Variants in NDRG2 observed in about 807,000 individuals in gnomAD.
The protein encoded by NDRG2 is NDRG family member 2.
In NDRG2, 34 loss-of-function variants were observed where a neutral mutation model predicts 58.2. The ratio of observed to expected loss-of-function variants is 0.58; its 90% CI spans 0.44 to 0.78. The LOEUF is 0.78. NDRG2 is among the 30% of genes least tolerant of loss of function. The pLI is 0.00. For synonymous variants in NDRG2, 187 were observed against 175.9 expected (o/e 1.06, Z -0.50); for missense variants, 434 against 471.2 (o/e 0.92, Z 0.73).
chr14:21,027,291 G>C (rs1180326118), upstream of NDRG2, among the ~76,000 whole-genome samples: 2 of 152,186 alleles, frequency 1.3e-5, no homozygotes, highest in African/African-American at 2.4e-5. Flanking sequence ...CTTTCCCTTT[G>C]GCCAGAGCAG....
intron 1 of NDRG2, among the ~76,000 whole-genome samples, chr14:21,047,098 T>C (rs1163324659): frequency 2.0e-5 from 3 of 152,218 alleles, no homozygotes; most frequent in Non-Finnish European, 2.9e-5. Context: ...CTATTATTTA[T>C]ATTATCGGTC....
chr14:21,022,906 C>G lies in NDRG2; in HGVS notation c.76-1G>C. On this transcript the variant is annotated splice_acceptor_variant, in intron 2 of 15. Transcript: ENST00000556147. LOFTEE classifies it high-confidence loss of function. ...GGATTCGGGCAGCTAACTCAGCCTC[C>G]TGGAGAGACACACACGGATTCACAC... The G allele has an allele frequency of 6.2e-7, 1 of 1,614,034 alleles. No homozygotes were observed.
At chr14:21,019,325 C>A (rs1878756017) in intron 10 of NDRG2, among the ~76,000 whole-genome samples, 165 bp from the exon 11 acceptor site, 1 of 152,198 alleles carries the variant, frequency 6.6e-6, no homozygotes, top group South Asian at 2.1e-4. Flanking sequence ...GCCCCAAGCA[C>A]AGCCCCTATA....
intron 1 of NDRG2, among the ~76,000 whole-genome samples, chr14:21,060,647 ATACTGT>A (rs539793697): frequency 1.4e-3 from 213 of 152,296 alleles, no homozygotes; most frequent in African/African-American, 4.8e-3. Flanking sequence ...GTCCATCTTC[ATACTGT>A]TACTAGCCCA....
chr14:21,053,707 C>T (rs748407528), intron 1 of NDRG2, among the ~76,000 whole-genome samples: 10 of 151,934 alleles, frequency 6.6e-5, no homozygotes, highest in Non-Finnish European at 1.3e-4. Context: ...AGGAGGCTGA[C>T]GTAGGAGGAC....
intron 1 of NDRG2, among the ~76,000 whole-genome samples, chr14:21,066,383 G>A (rs35981069): frequency 0.83 from 124,142 of 149,942 alleles, 51,637 homozygotes; most frequent in Admixed American, 0.88. Flanking sequence ...GCAGTGGCAC[G>A]ATCTCGGCTC....
intron 1 of NDRG2, chr14:21,042,219 T>C (rs1432191896): frequency 6.6e-6 from 1 of 152,276 alleles, no homozygotes; most frequent in East Asian, 1.9e-4. Context: ...CATCCTTAGG[T>C]GTCCACGTAT....
At chr14:21,020,665 C>T in intron 7 of NDRG2, 83 bp from the exon 8 acceptor site, 4 of 1,574,442 alleles carry the variant, frequency 2.5e-6, no homozygotes, top group Non-Finnish European at 3.5e-6. Flanking sequence ...CTCCTGGACT[C>T]CCACAGGGCC....
At chr14:21,025,712 C>A, upstream of NDRG2, 2 of 985,094 alleles carry the variant, frequency 2.0e-6, no homozygotes, top group Non-Finnish European at 2.4e-6. This position sits in a 1 kb window ranked among gnomAD's most constrained non-coding sequence, Gnocchi z 5.1. Flanking sequence ...CGCCTGCTCT[C>A]CGGCTGCTCC....
chr14:21,045,839 G>T (rs1298914826), intron 1 of NDRG2, among the ~76,000 whole-genome samples: 1 of 152,266 alleles, frequency 6.6e-6, no homozygotes, highest in East Asian at 1.9e-4. Context: ...TGTAGCCTTG[G>T]GGAAGTATAA....
At chr14:21,032,398 T>A (rs1251746691) in intron 1 of NDRG2, 1 of 462,662 alleles carries the variant, frequency 2.2e-6, no homozygotes, top group Non-Finnish European at 4.3e-6. Context: ...TATCTACTAC[T>A]TGTGTTCACA....
At chr14:21,062,708 AGTGTGT>A (rs71416997) in intron 1 of NDRG2, among the ~76,000 whole-genome samples, 27 of 131,048 alleles carry the variant, frequency 2.1e-4, no homozygotes, top group African/African-American at 6.5e-4. Context: ...GGCTGGGCAC[AGTGTGT>A]GTGTGTGTGT....
At chr14:21,030,325 A>G (rs954710684), upstream of NDRG2, 2 of 470,110 alleles carry the variant, frequency 4.3e-6, no homozygotes, top group African/African-American at 3.9e-5. Context: ...GAGGTAGGGG[A>G]AAGAGAGGAT....
chr14:21,037,483 T>C (rs1169853626), intron 1 of NDRG2, among the ~76,000 whole-genome samples: 3 of 152,226 alleles, frequency 2.0e-5, no homozygotes, highest in Non-Finnish European at 2.9e-5. Context: ...CCAGGGACAA[T>C]TGGATAATGT....
upstream of NDRG2, chr14:21,025,735 A>G: frequency 2.0e-6 from 2 of 983,310 alleles, no homozygotes; most frequent in Non-Finnish European, 2.4e-6. This position sits in a 1 kb window ranked among gnomAD's most constrained non-coding sequence, Gnocchi z 5.1. Context: ...GAGAAGTTGG[A>G]CAACAAGGCG....
intron 1 of NDRG2, among the ~76,000 whole-genome samples, chr14:21,056,573 G>C (rs1424121119): frequency 1.3e-5 from 2 of 152,216 alleles, no homozygotes; most frequent in Non-Finnish European, 2.9e-5. Flanking sequence ...TGCTCTAAGA[G>C]GAGACTTTCT....
At chr14:21,043,558 C>A in intron 1 of NDRG2, 1 of 849,072 alleles carries the variant, frequency 1.2e-6, no homozygotes, top group Non-Finnish European at 1.9e-6. Flanking sequence ...TTCCCCTCAT[C>A]TCTTGGGGCT....
chr14:21,033,414 G>A (rs1765257096), intron 1 of NDRG2: 1 of 284,334 alleles, frequency 3.5e-6, no homozygotes, highest in Non-Finnish European at 6.7e-6. Flanking sequence ...GACATGAGAA[G>A]GCTGGTGGGG....
chr14:21,033,516 G>C, intron 1 of NDRG2: 2 of 429,888 alleles, frequency 4.7e-6, no homozygotes, highest in Non-Finnish European at 8.6e-6. Context: ...TGGCCCAGTG[G>C]GTGGACAGTC....
Sources: gnomAD v4.1 joint callset for allele counts (sites outside exome capture counted in the v4.1 genomes callset) on GRCh38, gnomAD v4.1.1 for gene constraint, Gnocchi (gnomAD v3.1) non-coding constraint, MANE v1.5 for transcripts, NCBI Gene and HGNC (gene_info 2026-07-23, HGNC 2026-07-21) for gene names.